PAPSS1: variants seen among roughly 807,000 people sequenced by gnomAD.
PAPSS1 encodes 3'-phosphoadenosine 5'-phosphosulfate synthase 1, also known as bifunctional 3'-phosphoadenosine 5'-phosphosulfate synthase 1.
Under a neutral mutation model 72.0 loss-of-function variants are expected in PAPSS1, and 50 were observed. The ratio of observed to expected loss-of-function variants is 0.69; its 90% CI spans 0.55 to 0.88. PAPSS1 has a LOEUF of 0.88. Ranked by LOEUF, PAPSS1 falls within the 40% of genes least tolerant of loss-of-function variation. PAPSS1 has a pLI of 0.00. For missense variants in PAPSS1, 657 were observed against 782.2 expected, an observed-to-expected ratio of 0.84 and a Z score of 1.91; for synonymous variants, 261 against 263.6, an observed-to-expected ratio of 0.99 and a Z score of 0.09.
At chr4:107,635,112 T>C (rs930236903) in intron 10 of PAPSS1, among the ~76,000 whole-genome samples, 6 of 152,174 alleles carry the variant, frequency 3.9e-5, no homozygotes, top group African/African-American at 1.4e-4. Context: ...CTAGACATAT[T>C]TTTAAAGTTT....
Position 107,662,255 on chromosome 4 carries a change from G to A in PAPSS1, c.670-2183C>T, listed in dbSNP as rs142078878. On this transcript the variant is annotated intron_variant, in intron 5 of 11. Coordinates refer to ENST00000265174, the MANE Select transcript of PAPSS1 (RefSeq NM_005443.5). ...TCTAGGGTCTCACTGTTCATAGGAG[G>A]AAAGCAGAAAAGTGTGTGAGGCACA... Among the ~76,000 whole-genome samples, 385 of 152,304 alleles carry A rather than the reference G, an allele frequency of 2.5e-3. 5 individuals are homozygous for A. The highest frequency in any genetic ancestry group is 8.8e-3 in the African/African-American group (364 of 41,568).
chr4:107,696,189 A>C (rs1022483613), intron 2 of PAPSS1, among the ~76,000 whole-genome samples: 15 of 152,212 alleles, frequency 9.9e-5, no homozygotes, highest in African/African-American at 3.6e-4. Context: ...CTAGTACCAG[A>C]AAATACCATT....
At chr4:107,620,092 G>C (rs1285589552) in intron 11 of PAPSS1, among the ~76,000 whole-genome samples, 1 of 152,112 alleles carries the variant, frequency 6.6e-6, no homozygotes, top group Non-Finnish European at 1.5e-5. Context: ...CAAGAGCTGG[G>C]GTCAGCAGAT....
chr4:107,693,829 T>C lies in PAPSS1; in HGVS notation c.353A>G (p.Lys118Arg). The C allele has an allele frequency of 6.2e-7, 1 of 1,613,932 alleles. No homozygotes were observed. Among genetic ancestry groups the C allele is most frequent in the South Asian group, 1.1e-5 (1 of 91,078 alleles). The change falls in exon 3 of 12, where the codon AAA becomes AGA. Residue 118 changes from lysine (K) to arginine (R), a missense_variant. By Grantham distance (26) the Lys-to-Arg change is conservative (BLOSUM62 2). Coordinates refer to ENST00000265174, the MANE Select transcript of PAPSS1 (RefSeq NM_005443.5). The stretch of plus-strand genomic sequence containing the variant: ...CACTAAGCCAGCATCTGCAAACAGT[T>C]TAGCAACTTCTGCGATGCGTCGAAC... ...ENVRRIAEVA[K>R]LFADAGLVCI... is the part of the protein sequence containing the mutation.
intron 10 of PAPSS1, among the ~76,000 whole-genome samples, chr4:107,636,212 C>T (rs959915787): frequency 2.0e-5 from 3 of 151,938 alleles, no homozygotes. Flanking sequence ...AAGACAGAAA[C>T]TAACTCAAAG....
intron 3 of PAPSS1, among the ~76,000 whole-genome samples, chr4:107,691,525 A>C (rs1283361910): frequency 6.6e-6 from 1 of 152,198 alleles, no homozygotes. Context: ...TTCAACAAAC[A>C]CTAATCATAT....
rs191105143 is a variant in PAPSS1, at chr4:107,669,034, C to T, written c.670-8962G>A. 6.8e-4 allele frequency among the ~76,000 whole-genome samples: 103 copies of T among 152,278 alleles called. 1 individual carries two copies. The highest frequency in any genetic ancestry group is 2.4e-3 in the Admixed American group (36 of 15,290). ...ACATGGTACTTGATATATTCATCCC[C>T]TTCACCTCCCAATCTATATTTAGAT... On this transcript the variant is annotated intron_variant, in intron 5 of 11. Transcript: ENST00000265174.
At chr4:107,657,842 A>T (rs1727061822) in intron 6 of PAPSS1, among the ~76,000 whole-genome samples, 1 of 152,222 alleles carries the variant, frequency 6.6e-6, no homozygotes, top group Non-Finnish European at 1.5e-5. Context: ...AGGGAAATGT[A>T]AAATGATGGC....
rs562654582 is a variant in PAPSS1, at chr4:107,660,143, T to C, written c.670-71A>G. 2.0e-4 allele frequency: 162 copies of C among 792,696 alleles called. 3 individuals carry two copies. The South Asian group carries it at 2.4e-3, about 12-fold the overall frequency. The allele number at this position is 792,696 out of a possible 1,614,324, so 49.1% of individuals were successfully genotyped here. The stretch of plus-strand genomic sequence containing the variant: ...TAGAGTTCACCAAAGGGTATCTTAA[T>C]GAAGAAAATCTCTCAAAATAAAACC... On this transcript the variant is annotated intron_variant, in intron 5 of 11. Coordinates refer to ENST00000265174, the MANE Select transcript of PAPSS1 (RefSeq NM_005443.5).
At chr4:107,688,368 C>CA (rs1195995091) in intron 3 of PAPSS1, among the ~76,000 whole-genome samples, 2 of 152,096 alleles carry the variant, frequency 1.3e-5, no homozygotes, top group African/African-American at 4.8e-5. Flanking sequence ...TCACTTGAGC[C>CA]CAGGGGTTCC....
intron 1 of PAPSS1, among the ~76,000 whole-genome samples, chr4:107,714,138 C>T (rs953043139): frequency 6.6e-6 from 1 of 152,194 alleles, no homozygotes; most frequent in African/African-American, 2.4e-5. Context: ...TCAAGCTGCA[C>T]CATCCCCCAA....
chr4:107,711,331 C>T (rs1723488023), intron 1 of PAPSS1, among the ~76,000 whole-genome samples: 1 of 152,228 alleles, frequency 6.6e-6, no homozygotes, highest in South Asian at 2.1e-4. Context: ...GTACATACTA[C>T]AAACTTCCAT....
chr4:107,654,551 C>T, intron 8 of PAPSS1, 144 bp downstream of exon 8: 2 of 710,144 alleles, frequency 2.8e-6, no homozygotes, highest in Admixed American at 2.3e-5. Context: ...AGCATAAACA[C>T]TCATCACAAT....
At chr4:107,647,952 A>G (rs1428673904) in intron 9 of PAPSS1, among the ~76,000 whole-genome samples, 2 of 152,106 alleles carry the variant, frequency 1.3e-5, no homozygotes, top group Non-Finnish European at 2.9e-5. Context: ...AACTATTTCA[A>G]TATACATTGC....
At chr4:107,720,033 G>GGAGGCGGGAGA (rs2125946860) in intron 1 of PAPSS1, 87 bp downstream of exon 1, 2 of 1,566,872 alleles carry the variant, frequency 1.3e-6, no homozygotes, top group East Asian at 2.5e-5. Context: ...TGGATGCGGA[G>GGAGGCGGGAGA]GAGGCGGGAG....
chr4:107,629,856 CG>C (rs1213288275), intron 11 of PAPSS1, among the ~76,000 whole-genome samples: 1 of 152,124 alleles, frequency 6.6e-6, no homozygotes, highest in African/African-American at 2.4e-5. Context: ...AGTGGAAAAA[CG>C]CCCAGGAAAG....
chr4:107,627,183 G>T (rs909936962), intron 11 of PAPSS1, among the ~76,000 whole-genome samples: 2 of 152,194 alleles, frequency 1.3e-5, no homozygotes, highest in Non-Finnish European at 2.9e-5. Flanking sequence ...CCACAGTAAT[G>T]AAACATTTTG....
At chr4:107,694,692 C>G (rs1394369816) in intron 2 of PAPSS1, among the ~76,000 whole-genome samples, 1 of 152,094 alleles carries the variant, frequency 6.6e-6, no homozygotes, top group East Asian at 1.9e-4. Context: ...ACTCACAAAC[C>G]ACCTTGATAC....
chr4:107,643,752 A>C (rs1226173774), intron 10 of PAPSS1, among the ~76,000 whole-genome samples: 1 of 152,212 alleles, frequency 6.6e-6, no homozygotes, highest in Non-Finnish European at 1.5e-5. Flanking sequence ...AGCTGATTGT[A>C]TGCCTCTGTT....
Sources: gnomAD v4.1 joint callset for allele counts (sites outside exome capture counted in the v4.1 genomes callset) on GRCh38, gnomAD v4.1.1 for gene constraint, MANE v1.5 for transcripts, NCBI Gene and HGNC (gene_info 2026-07-23, HGNC 2026-07-21) for gene names.